FTO: variants seen among roughly 807,000 people sequenced by gnomAD.
The protein encoded by FTO is FTO alpha-ketoglutarate dependent dioxygenase.
In FTO, 47 loss-of-function variants were observed where a neutral mutation model predicts 63.9. The observed-to-expected ratio is 0.74, with a 90% CI of 0.58 to 0.94. The LOEUF is 0.94. Ranked by LOEUF, FTO falls within the 40% of genes least tolerant of loss-of-function variation. The probability of loss-of-function intolerance (pLI) is 0.00; values close to 1 mark genes in which losing one functional copy is unlikely to be tolerated. For synonymous variants in FTO, 207 were observed against 224.4 expected (o/e 0.92, Z 0.69); for missense variants, 562 against 618.1 (o/e 0.91, Z 0.96).
intron 1 of FTO, among the ~76,000 whole-genome samples, chr16:53,748,631 T>C (rs1042291927): frequency 2.0e-5 from 3 of 152,098 alleles, no homozygotes; most frequent in African/African-American, 7.2e-5. Context: ...ATTTTTTGTA[T>C]ATTTAGTACA....
At chr16:53,715,663 A>G (rs1330001130) in intron 1 of FTO, among the ~76,000 whole-genome samples, 2 of 152,202 alleles carry the variant, frequency 1.3e-5, no homozygotes, top group African/African-American at 4.8e-5. Flanking sequence ...GCTAAACATT[A>G]TTATGAGAAG....
chr16:53,963,087 T>G (rs1270388858), intron 8 of FTO, among the ~76,000 whole-genome samples: 1 of 152,208 alleles, frequency 6.6e-6, no homozygotes, highest in Non-Finnish European at 1.5e-5. Context: ...AACAGTATAG[T>G]CACAGGCAAA....
intron 7 of FTO, among the ~76,000 whole-genome samples, chr16:53,932,301 C>A (rs1241674208): frequency 6.6e-6 from 1 of 152,016 alleles, no homozygotes; most frequent in African/African-American, 2.4e-5. Flanking sequence ...GTGGATTATC[C>A]AGGCTTCTTC....
chr16:53,920,017 AAG>A (rs2081970542), intron 7 of FTO, among the ~76,000 whole-genome samples: 3 of 152,212 alleles, frequency 2.0e-5, no homozygotes, highest in Non-Finnish European at 2.9e-5. Context: ...AAATGGGGGA[AAG>A]AGAGGAATAA....
chr16:54,035,068 G>C (rs1396028641), intron 8 of FTO, among the ~76,000 whole-genome samples: 8 of 152,154 alleles, frequency 5.3e-5, no homozygotes, highest in African/African-American at 1.9e-4. Context: ...AATTTTTCCT[G>C]CTGGTTTGAA....
intron 1 of FTO, among the ~76,000 whole-genome samples, chr16:53,708,575 T>C (rs2075686857): frequency 6.6e-6 from 1 of 152,250 alleles, no homozygotes; most frequent in Non-Finnish European, 1.5e-5. Context: ...AAATCTATGT[T>C]TAACATTTTA....
chr16:54,075,302 T>C (rs1221886035), intron 8 of FTO, among the ~76,000 whole-genome samples: 1 of 152,188 alleles, frequency 6.6e-6, no homozygotes, highest in Non-Finnish European at 1.5e-5. Flanking sequence ...TACTTTTTAC[T>C]TTTAAAAATG....
At chr16:54,005,381 A>G (rs1465284843) in intron 8 of FTO, among the ~76,000 whole-genome samples, 1 of 148,024 alleles carries the variant, frequency 6.8e-6, no homozygotes, top group African/African-American at 2.4e-5. Flanking sequence ...TAATACATAT[A>G]TAAATATATT....
chr16:53,898,704 C>T (rs760375101), intron 7 of FTO, among the ~76,000 whole-genome samples: 16 of 152,060 alleles, frequency 1.1e-4, no homozygotes, highest in Admixed American at 4.6e-4. Context: ...TTTTTTGGGA[C>T]GGTCTTACTC....
intron 8 of FTO, among the ~76,000 whole-genome samples, chr16:53,988,290 A>T (rs1324141548): frequency 6.6e-6 from 1 of 152,180 alleles, no homozygotes; most frequent in South Asian, 2.1e-4. Flanking sequence ...CTACTTGGTG[A>T]CCTGTTAAAT....
intron 7 of FTO, among the ~76,000 whole-genome samples, chr16:53,902,202 A>G (rs2151927702): frequency 6.6e-6 from 1 of 152,264 alleles, no homozygotes; most frequent in East Asian, 1.9e-4. Flanking sequence ...TTTATATATT[A>G]GGTATTCACC....
chr16:53,858,540 T>C lies in FTO; in HGVS notation c.895+14242T>C, dbSNP rs116415810. Reference sequence around the variant, plus strand: ...TAAAGATAATCTCAAGGTACATAACTTCCCCTCTCCTTCTCCCCTTTTTTT... The same window carrying C: ...TAAAGATAATCTCAAGGTACATAACCTCCCCTCTCCTTCTCCCCTTTTTTT... On this transcript the variant is annotated intron_variant, in intron 4 of 8. Coordinates refer to ENST00000471389, the MANE Select transcript of FTO (RefSeq NM_001080432.3). 3.6e-3 allele frequency among the ~76,000 whole-genome samples: 541 copies of C among 152,328 alleles called. 2 individuals carry two copies. Among genetic ancestry groups the C allele is most frequent in the African/African-American group, 0.012 (511 of 41,578 alleles).
At position 53,934,615 on chromosome 16, in the gene FTO, C is replaced by G. The variant is rs562646156; in HGVS notation, c.1364+506C>G. ...CCGCAAACCTTGATGACATAGCCTA[C>G]TATACACCTAGGCTATATGGTGTCG... On this transcript the variant is annotated intron_variant, in intron 8 of 8. Coordinates refer to ENST00000471389, the MANE Select transcript of FTO (RefSeq NM_001080432.3). 7.2e-5 allele frequency among the ~76,000 whole-genome samples: 11 copies of G among 152,278 alleles called. No individual in the cohort carries two copies. In the South Asian group the frequency reaches 2.3e-3, roughly 32 times the overall value.
At chr16:53,785,730 T>C (rs1340739550) in intron 1 of FTO, among the ~76,000 whole-genome samples, 3 of 151,764 alleles carry the variant, frequency 2.0e-5, no homozygotes, top group African/African-American at 7.3e-5. Flanking sequence ...ACCAACATGG[T>C]GAAACCCGGT....
At position 53,950,155 on chromosome 16, in the gene FTO, T is replaced by TAAAAAAAAAAAAAAAAAACAAAAAAAAA. The variant is rs2082741554; in HGVS notation, c.1364+16064_1364+16065insCAAAAAAAAAAAAAAAAAAAAAAAAAAA. 5.3e-4 allele frequency among the ~76,000 whole-genome samples: 27 copies of TAAAAAAAAAAAAAAAAAACAAAAAAAAA among 50,618 alleles called. 1 individual carries two copies. The South Asian group carries it at 5.4e-3, about 10-fold the overall frequency. The allele number at this position is 50,618 out of a possible 152,430, so 33.2% of individuals were successfully genotyped here. On this transcript the variant is annotated intron_variant, in intron 8 of 8. Transcript: ENST00000471389. The stretch of plus-strand genomic sequence containing the variant: ...GGAAAAAAAAAGATATTCACATTTG[T>TAAAAAAAAAAAAAAAAAACAAAAAAAAA]AAAAAAAAAAAAAAAAAAAAAAAAC...
chr16:53,968,439 A>G (rs1248175724), intron 8 of FTO, among the ~76,000 whole-genome samples: 1 of 152,226 alleles, frequency 6.6e-6, no homozygotes, highest in Non-Finnish European at 1.5e-5. Flanking sequence ...GTACAGCACC[A>G]TCATCGCCAC....
chr16:53,773,659 A>C (rs922592634), intron 1 of FTO, among the ~76,000 whole-genome samples: 18 of 152,194 alleles, frequency 1.2e-4, no homozygotes, highest in Non-Finnish European at 2.1e-4. Flanking sequence ...GTCAAAGCTT[A>C]ACCTCTGCCT....
chr16:53,989,041 G>A (rs764166501), intron 8 of FTO, among the ~76,000 whole-genome samples: 5 of 152,102 alleles, frequency 3.3e-5, no homozygotes, highest in Non-Finnish European at 7.3e-5. Context: ...TAGTGAGGGG[G>A]GTTGGTAAGT....
chr16:54,105,771 C>CTGTGTGTGTGTGTGTGTGTG (rs57782663), intron 8 of FTO, among the ~76,000 whole-genome samples: 1 of 137,974 alleles, frequency 7.2e-6, no homozygotes, highest in Non-Finnish European at 1.6e-5. Flanking sequence ...AAGTTCTAGT[C>CTGTGTGTGTGTGTGTGTGTG]TGTGTGTGTG....
Sources: gnomAD v4.1 joint callset for allele counts (sites outside exome capture counted in the v4.1 genomes callset) on GRCh38, gnomAD v4.1.1 for gene constraint, MANE v1.5 for transcripts, NCBI Gene and HGNC (gene_info 2026-07-23, HGNC 2026-07-21) for gene names.